Variants in ARMC12 observed in about 807,000 individuals in gnomAD.
ARMC12 encodes the protein armadillo repeat containing 12, also known as armadillo repeat-containing protein 12.
A neutral mutation model predicts 37.4 loss-of-function variants in ARMC12; 25 were observed. That is an observed-to-expected ratio of 0.67 (90% confidence interval 0.49 to 0.93). The LOEUF is 0.93. Among genes scored for constraint, ARMC12 ranks in the 40% least tolerant of loss-of-function variants. ARMC12 has a pLI of 0.00. For missense variants in ARMC12, 384 were observed against 426.6 expected, an observed-to-expected ratio of 0.90 and a Z score of 0.88; for synonymous variants, 167 against 176.1, an observed-to-expected ratio of 0.95 and a Z score of 0.41.
chr6:35,739,462 C>T (rs1366186608), intron 3 of ARMC12, among the ~76,000 whole-genome samples: 1 of 152,110 alleles, frequency 6.6e-6, no homozygotes, highest in African/African-American at 2.4e-5. Context: ...GGTGATTACC[C>T]TTATTTTGTC....
chr6:35,747,734 C>A, intron 5 of ARMC12, 87 bp downstream of exon 5: 1 of 1,379,136 alleles, frequency 7.3e-7, no homozygotes, highest in Non-Finnish European at 1.0e-6. Context: ...ACAGATTTAC[C>A]CCTGATGAAT....
intron 3 of ARMC12, among the ~76,000 whole-genome samples, chr6:35,742,492 G>C (rs1275579957): frequency 1.4e-5 from 1 of 72,282 alleles, no homozygotes; most frequent in Non-Finnish European, 2.4e-5. Context: ...ACGAGACTCT[G>C]TCTCAAAAAA....
At position 35,737,215 on chromosome 6, in the gene ARMC12, A is replaced by G. The variant is rs1766992427; in HGVS notation, c.107A>G (p.Lys36Arg). 2.5e-6 allele frequency: 4 copies of G among 1,614,260 alleles called. No homozygotes were observed. The highest frequency in any genetic ancestry group is 3.4e-6 in the Non-Finnish European group (4 of 1,180,036). Residue 36 changes from lysine to arginine, a missense_variant, in exon 1 of 6, where the codon AAG becomes AGG. Transcript: ENST00000373866. ...GAIYLLYKAI[K>R]AGIKCKPPLC... The stretch of plus-strand genomic sequence containing the variant: ...ATCTACCTGCTCTACAAGGCCATCA[A>G]GGCTGGCATAAAATGCAAACCACCC...
intron 1 of ARMC12, 112 bp downstream of exon 1, chr6:35,737,383 C>G: frequency 6.2e-7 from 1 of 1,612,140 alleles, no homozygotes; most frequent in Non-Finnish European, 8.5e-7. Flanking sequence ...TTTCCTTTGT[C>G]TTTCTCTTGT....
chr6:35,739,968 C>T (rs909104928), intron 3 of ARMC12, among the ~76,000 whole-genome samples: 44 of 152,324 alleles, frequency 2.9e-4, no homozygotes, highest in African/African-American at 1.0e-3. Flanking sequence ...CAACCAGAAG[C>T]TATCCAAGGA....
the ARMC12 span, among the ~76,000 whole-genome samples, chr6:35,731,650 C>T: frequency 3.0e-3 from 462 of 152,256 alleles, 1 homozygote; most frequent in African/African-American, 9.2e-3. Flanking sequence ...CGCCTGGCCG[C>T]CCTTCTCGGG....
At chr6:35,741,395 ACG>A (rs1349789512) in intron 3 of ARMC12, among the ~76,000 whole-genome samples, 20 of 149,658 alleles carry the variant, frequency 1.3e-4, no homozygotes, top group African/African-American at 4.7e-4. Flanking sequence ...TCATAACCTA[ACG>A]TTTGATAATT....
At chr6:35,737,479 G>A (rs757195605) in intron 1 of ARMC12, 6 of 1,410,016 alleles carry the variant, frequency 4.3e-6, no homozygotes, top group Non-Finnish European at 5.7e-6. Flanking sequence ...TCACTCAAGT[G>A]GATCCTCAGA....
In ARMC12 at chr6:35,738,538, G is replaced by A. The variant is rs1767066570; in HGVS notation, c.444+20G>A. On this transcript the variant is annotated intron_variant, in intron 3 of 5. Transcript: ENST00000373866. ...ATCCAGGTGAGCCCAGGGATGCGTG[G>A]TGGGGCATGCAGGATGTCTATAGTC... 5.0e-6 allele frequency: 8 copies of A among 1,613,686 alleles called. No individual in the cohort carries two copies. Among genetic ancestry groups the A allele is most frequent in the Non-Finnish European group, 6.8e-6 (8 of 1,179,884 alleles).
At chr6:35,744,679 T>C (rs1767283565) in intron 3 of ARMC12, among the ~76,000 whole-genome samples, 1 of 151,914 alleles carries the variant, frequency 6.6e-6, no homozygotes. Flanking sequence ...CACTTGAACC[T>C]GGGAGGTGGA....
Position 35,740,537 on chromosome 6 carries a change from T to G in ARMC12, c.444+2019T>G, listed in dbSNP as rs1371494962. ...TCCCAAATTAAAAACAAATAAAATA[T>G]GTAAAACTTGCAAATATTGTATATG... On this transcript the variant is annotated intron_variant, in intron 3 of 5. Coordinates refer to ENST00000373866, the MANE Select transcript of ARMC12 (RefSeq NM_001286574.2). Among the ~76,000 whole-genome samples, 3 of 152,278 alleles carry G rather than the reference T, an allele frequency of 2.0e-5. No individual in the cohort carries two copies. In the East Asian group the frequency reaches 5.8e-4, roughly 29 times the overall value.
In ARMC12 at chr6:35,738,289, G is replaced by C. The variant is rs939748929; in HGVS notation, c.310-95G>C. On this transcript the variant is annotated intron_variant, in intron 2 of 5. Coordinates refer to ENST00000373866, the MANE Select transcript of ARMC12 (RefSeq NM_001286574.2). Reference sequence around the variant, plus strand: ...ACCTCTCTCTGGCTGATAGCGGTGGGGGGGGGGTGTGCGGAGGGATCTTGG... The same window carrying C: ...ACCTCTCTCTGGCTGATAGCGGTGGCGGGGGGGTGTGCGGAGGGATCTTGG... The C allele has an allele frequency of 5.7e-5, 81 of 1,427,808 alleles. 3 individuals carry two copies. Among genetic ancestry groups the C allele is most frequent in the Non-Finnish European group, 5.0e-5 (53 of 1,059,830 alleles). 88.4% of individuals were successfully genotyped at this position (1,427,808 alleles called of 1,614,324 possible).
chr6:35,746,585 C>T (rs558154303), intron 3 of ARMC12, among the ~76,000 whole-genome samples: 6 of 152,032 alleles, frequency 3.9e-5, no homozygotes, highest in East Asian at 1.9e-4. Context: ...GCAGAAATCC[C>T]GGTGAGATGC....
intron 2 of ARMC12, 94 bp from the exon 3 acceptor site, chr6:35,738,290 G>GGGC: frequency 7.0e-7 from 1 of 1,433,722 alleles, no homozygotes; most frequent in Non-Finnish European, 9.4e-7. Context: ...TAGCGGTGGG[G>GGGC]GGGGGGTGTG....
intron 3 of ARMC12, among the ~76,000 whole-genome samples, chr6:35,745,663 T>C (rs1767314760): frequency 1.3e-5 from 2 of 152,242 alleles, no homozygotes; most frequent in Non-Finnish European, 2.9e-5. Flanking sequence ...TATACTATAA[T>C]GCAAGATGTG....
intron 2 of ARMC12, 58 bp downstream of exon 2, chr6:35,738,230 C>A: frequency 6.3e-7 from 1 of 1,583,288 alleles, no homozygotes; most frequent in South Asian, 1.1e-5. Context: ...TACGGCCGAT[C>A]CCTGCCCCTG....
intron 5 of ARMC12, among the ~76,000 whole-genome samples, chr6:35,748,082 A>G (rs1298738761): frequency 1.3e-5 from 2 of 152,238 alleles, no homozygotes; most frequent in African/African-American, 4.8e-5. Flanking sequence ...TGAAAGGAGA[A>G]ATTAACAAAT....
intron 3 of ARMC12, among the ~76,000 whole-genome samples, chr6:35,743,097 G>T (rs1343645505): frequency 6.6e-6 from 1 of 152,132 alleles, no homozygotes; most frequent in Non-Finnish European, 1.5e-5. Context: ...GGAAGGGCAG[G>T]TACTGATGGG....
Position 35,737,160 on chromosome 6 carries a change from G to A in ARMC12, c.52G>A (p.Val18Ile), listed in dbSNP as rs755088430. 28 of 1,614,114 alleles carry A rather than the reference G, an allele frequency of 1.7e-5. No individual in the cohort carries two copies. Among genetic ancestry groups the A allele is most frequent in the East Asian group, 1.3e-4 (6 of 44,898 alleles). Residue 18 changes from valine (V) to isoleucine (I), a missense_variant, in exon 1 of 6, where the codon GTA becomes ATA. Physicochemically the swap from Val to Ile is conservative, Grantham distance 29 (BLOSUM62 3). Coordinates refer to ENST00000373866, the MANE Select transcript of ARMC12 (RefSeq NM_001286574.2). ...YLGQLDIRKS[V>I]VSLATGAGAI... is the part of the protein sequence containing the mutation. ...GGGGCAACTGGACATCCGCAAAAGC[G>A]TAGTCAGCCTGGCCACAGGCGCCGG...
Sources: allele counts gnomAD v4.1 joint callset (sites outside exome capture counted in the v4.1 genomes callset), GRCh38; gene constraint gnomAD v4.1.1; transcripts MANE v1.5; gene names NCBI Gene and HGNC (gene_info 2026-07-23, HGNC 2026-07-21).